RAD21: variants seen among roughly 807,000 people sequenced by gnomAD.
RAD21 encodes double-strand-break repair protein rad21 homolog.
Under a neutral mutation model 71.5 loss-of-function variants are expected in RAD21, and 18 were observed. The ratio of observed to expected loss-of-function variants is 0.25; its 90% confidence interval spans 0.17 to 0.37. The LOEUF is 0.37. RAD21 is among the 10% of genes least tolerant of loss of function. RAD21 has a pLI of 1.00. For synonymous variants in RAD21, 248 were observed against 254.0 expected (o/e 0.98, Z 0.22); for missense variants, 493 against 769.1 (o/e 0.64, Z 4.25).
In RAD21 at chr8:116,874,718, C is replaced by A; in HGVS notation, c.-140G>T. ...GCCCTTGCGAGGTGTAGCTTCCGAGCAGCTCCCGCCGCCGCCACAGCCGGC... is the reference window on the plus strand; with the variant it reads ...GCCCTTGCGAGGTGTAGCTTCCGAGAAGCTCCCGCCGCCGCCACAGCCGGC... On this transcript the variant is annotated 5_prime_UTR_variant, in exon 1 of 14. Coordinates refer to ENST00000297338, the MANE Select transcript of RAD21 (RefSeq NM_006265.3). The A allele has an allele frequency of 2.2e-6, 1 of 448,642 alleles. No individual in the cohort carries two copies. The highest frequency in any genetic ancestry group is 4.5e-6 in the Non-Finnish European group (1 of 223,004). The allele number at this position is 448,642 out of a possible 1,614,324, so 27.8% of individuals were successfully genotyped here.
At chr8:116,871,824 G>GA (rs1177848515) in intron 1 of RAD21, among the ~76,000 whole-genome samples, 1 of 152,224 alleles carries the variant, frequency 6.6e-6, no homozygotes, top group Non-Finnish European at 1.5e-5. Context: ...GAAAACAGAT[G>GA]AAGATAAGTA....
intron 13 of RAD21, among the ~76,000 whole-genome samples, chr8:116,848,584 G>C (rs557273144): frequency 6.6e-6 from 1 of 152,146 alleles, no homozygotes; most frequent in East Asian, 1.9e-4. Flanking sequence ...TAAATTTAAT[G>C]ATTCAGCACA....
chr8:116,865,682 C>T (rs957109994), intron 2 of RAD21, among the ~76,000 whole-genome samples: 4 of 152,134 alleles, frequency 2.6e-5, no homozygotes, highest in African/African-American at 7.2e-5. Flanking sequence ...TGTAATCCTA[C>T]CATCTACAGA....
chr8:116,851,825 TG>T, intron 11 of RAD21, 122 bp downstream of exon 11: 1 of 1,033,100 alleles, frequency 9.7e-7, no homozygotes, highest in Non-Finnish European at 1.4e-6. Flanking sequence ...CTTCTTCCTC[TG>T]GACTCATTCC....
At chr8:116,850,813 G>A in intron 11 of RAD21, 46 bp from the exon 12 acceptor site, 1 of 1,317,514 alleles carries the variant, frequency 7.6e-7, no homozygotes, top group Non-Finnish European at 1.1e-6. Context: ...TGCTTTTAAA[G>A]TAGCTTATTT....
chr8:116,863,046 A>T, intron 3 of RAD21, 84 bp downstream of exon 3: 1 of 1,452,584 alleles, frequency 6.9e-7, no homozygotes, highest in Non-Finnish European at 9.3e-7. Flanking sequence ...GATTTAGAAA[A>T]TGTGTTTAGC....
At chr8:116,867,462 T>C (rs1455971354) in intron 1 of RAD21, among the ~76,000 whole-genome samples, 2 of 152,236 alleles carry the variant, frequency 1.3e-5, no homozygotes, top group Non-Finnish European at 2.9e-5. Flanking sequence ...ATCACAAATA[T>C]GTTACTGACA....
At chr8:116,853,896 A>C (rs1267922290) in intron 9 of RAD21, among the ~76,000 whole-genome samples, 1 of 152,246 alleles carries the variant, frequency 6.6e-6, no homozygotes, top group East Asian at 1.9e-4. Flanking sequence ...TTACTGTGGA[A>C]AAAGGAGAAC....
rs748610063 is a variant in RAD21 at position 116,857,220 on chromosome 8, A to C, written c.688+47T>G. The C allele has an allele frequency of 1.2e-5, 18 of 1,520,390 alleles. No homozygotes were observed. The African/African-American group carries it at 1.8e-4, about 15-fold the overall frequency. The allele number at this position is 1,520,390 out of a possible 1,614,324, so 94.2% of individuals were successfully genotyped here. A position where few individuals can be genotyped will look rare whatever the true frequency, so the allele number is the denominator to read the frequency against. Reference sequence around the variant, plus strand: ...AACTGTTTCCAAAACTTTACAACTTAATAAAGAAATTCTGTTTATGCTGGA... The same window carrying C: ...AACTGTTTCCAAAACTTTACAACTTCATAAAGAAATTCTGTTTATGCTGGA... On this transcript the variant is annotated intron_variant, in intron 6 of 13. Transcript: ENST00000297338.
intron 2 of RAD21, among the ~76,000 whole-genome samples, chr8:116,864,980 C>T (rs1160830548): frequency 6.6e-6 from 1 of 152,056 alleles, no homozygotes; most frequent in Non-Finnish European, 1.5e-5. Flanking sequence ...AAATGAGCCA[C>T]GTGTGACACT....
chr8:116,866,254 G>GT (rs56026154), intron 2 of RAD21, among the ~76,000 whole-genome samples: 62,078 of 142,638 alleles, frequency 0.44, 13,564 homozygotes, highest in South Asian at 0.67. Flanking sequence ...TTCCACGTCG[G>GT]TTTTTTTTTT....
chr8:116,866,040 T>A (rs1270176057), intron 2 of RAD21, among the ~76,000 whole-genome samples: 1 of 152,148 alleles, frequency 6.6e-6, no homozygotes, highest in Non-Finnish European at 1.5e-5. Flanking sequence ...ACTATTATAC[T>A]ATCATGCAAA....
chr8:116,861,816 A>AT (rs555463518), intron 4 of RAD21, 25 bp downstream of exon 4: 22 of 1,560,528 alleles, frequency 1.4e-5, no homozygotes, highest in South Asian at 2.2e-5. Context: ...CAAGTCAACA[A>AT]TTTTTTTTAA....
chr8:116,862,217 T>C (rs1812605391), intron 3 of RAD21, among the ~76,000 whole-genome samples: 2 of 152,108 alleles, frequency 1.3e-5, no homozygotes, highest in South Asian at 4.1e-4. Flanking sequence ...TAATTAAACA[T>C]GATATTTATG....
chr8:116,870,754 A>T (rs1812804351), intron 1 of RAD21, among the ~76,000 whole-genome samples: 1 of 152,220 alleles, frequency 6.6e-6, no homozygotes, highest in Non-Finnish European at 1.5e-5. Context: ...AAGCTTCTAG[A>T]ATACTATCTG....
chr8:116,861,051 A>C (rs1812582193), intron 4 of RAD21, among the ~76,000 whole-genome samples: 2 of 152,094 alleles, frequency 1.3e-5, no homozygotes, highest in Non-Finnish European at 2.9e-5. Flanking sequence ...CATAATAAAA[A>C]ATTTTCAAAT....
chr8:116,868,565 T>A (rs3020128), intron 1 of RAD21, among the ~76,000 whole-genome samples: 16,829 of 151,846 alleles, frequency 0.11, 2,050 homozygotes, highest in African/African-American at 0.3. Flanking sequence ...TTTTAAAGAA[T>A]CTTTAATACA....
intron 11 of RAD21, 64 bp from the exon 12 acceptor site, chr8:116,850,831 G>C (rs1812334778): frequency 3.5e-6 from 4 of 1,155,920 alleles, no homozygotes; most frequent in Non-Finnish European, 5.0e-6. Flanking sequence ...TTTTAAATAT[G>C]AAAATACACA....
rs775766535 is a variant in RAD21, at chr8:116,866,722, T to C, written c.8A>G (p.Tyr3Cys). MFYAHFVLSKRGP... is the reference protein window; with the variant it reads MFCAHFVLSKRGP... ...TCTTTTACTGAGAACAAAATGTGCG[T>C]AGAACATTGTTCTGGCTGGCTATGA... is the stretch of plus-strand genomic sequence containing the variant. The change falls in exon 2 of 14, where the codon TAC (tyrosine) becomes TGC (cysteine). Residue 3 changes from tyrosine (Y) to cysteine (C), a missense_variant. By Grantham distance (194) the Tyr-to-Cys change is radical. Around this residue, in one of 5 missense-constraint regions of RAD21, gnomAD observed 27 missense variants for 144.1 expected, o/e 0.19. Transcript: ENST00000297338. 6.2e-7 allele frequency: 1 copy of C among 1,609,834 alleles called. No homozygotes were observed. Among genetic ancestry groups the C allele is most frequent in the Non-Finnish European group, 8.5e-7 (1 of 1,178,344 alleles).
Sources: gnomAD v4.1 joint callset for allele counts (sites outside exome capture counted in the v4.1 genomes callset) on GRCh38, gnomAD v4.1.1 for gene constraint, gnomAD v4.1.1 regional missense constraint, MANE v1.5 for transcripts, NCBI Gene and HGNC (gene_info 2026-07-23, HGNC 2026-07-21) for gene names.